The following CSMD1 variants were observed in gnomAD, a reference collection of about 807,000 sequenced individuals.
CSMD1 encodes CUB and sushi domain-containing protein 1.
A neutral mutation model predicts 417.5 loss-of-function variants in CSMD1; 213 were observed. That is an observed-to-expected ratio of 0.51 (90% CI 0.46 to 0.57). The LOEUF is 0.57. Among genes scored for constraint, CSMD1 ranks in the 20% least tolerant of loss-of-function variants. The probability of loss-of-function intolerance (pLI) is 0.00; values close to 1 mark genes in which losing one functional copy is unlikely to be tolerated. For synonymous variants in CSMD1, 2,862 were observed against 1,736.8 expected, an observed-to-expected ratio of 1.65 and a Z score of -16.11; for missense variants, 6,923 against 4,529.7, an observed-to-expected ratio of 1.53 and a Z score of -15.17.
intron 11 of CSMD1, among the ~76,000 whole-genome samples, chr8:3,480,472 A>C (rs998505100): frequency 6.6e-6 from 1 of 152,238 alleles, no homozygotes; most frequent in African/African-American, 2.4e-5. Context: ...ATTTTTTATC[A>C]TTAGAATTCC....
At chr8:3,542,757 G>A (rs868286836) in intron 10 of CSMD1, among the ~76,000 whole-genome samples, 1 of 152,206 alleles carries the variant, frequency 6.6e-6, no homozygotes, top group Non-Finnish European at 1.5e-5. Context: ...GAATGGAACA[G>A]CTTGGACTCT....
intron 7 of CSMD1, among the ~76,000 whole-genome samples, chr8:3,688,232 A>C (rs2129031648): frequency 6.6e-6 from 1 of 152,366 alleles, no homozygotes; most frequent in South Asian, 2.1e-4. Context: ...CAAAGATGAT[A>C]GTATAATTTT....
chr8:3,584,984 C>A (rs1488881967), intron 9 of CSMD1, among the ~76,000 whole-genome samples: 1 of 152,144 alleles, frequency 6.6e-6, no homozygotes, highest in Admixed American at 6.5e-5. Context: ...CAGCCATGTG[C>A]ATTTCCTGGA....
chr8:4,024,409 A>G (rs188422708), intron 4 of CSMD1, among the ~76,000 whole-genome samples: 20 of 152,294 alleles, frequency 1.3e-4, no homozygotes, highest in African/African-American at 4.1e-4. Context: ...TTCATGGGAA[A>G]ACTTTATTAT....
chr8:3,110,457 AT>A (rs1232963771), intron 42 of CSMD1, 122 bp from the exon 43 acceptor site: 29 of 742,144 alleles, frequency 3.9e-5, no homozygotes, highest in Non-Finnish European at 8.0e-6. Flanking sequence ...GGTGTGAAAT[AT>A]TTCTGAATCA....
intron 1 of CSMD1, among the ~76,000 whole-genome samples, chr8:4,888,280 A>C (rs1001104360): frequency 1.3e-5 from 2 of 152,090 alleles, no homozygotes; most frequent in African/African-American, 4.8e-5. Flanking sequence ...ATATGTTGTT[A>C]AATACACACC....
At chr8:4,636,567 G>A (rs1364067232) in intron 2 of CSMD1, among the ~76,000 whole-genome samples, 1 of 151,716 alleles carries the variant, frequency 6.6e-6, no homozygotes, top group Non-Finnish European at 1.5e-5. Flanking sequence ...ATTTATCTTT[G>A]TTCTTTTTCT....
intron 3 of CSMD1, among the ~76,000 whole-genome samples, chr8:4,250,622 A>T (rs1179289176): frequency 6.6e-6 from 1 of 152,240 alleles, no homozygotes; most frequent in East Asian, 1.9e-4. Flanking sequence ...AAAATAGTAC[A>T]GCAGTTCCTT....
At chr8:4,320,048 G>C (rs1193944483) in intron 3 of CSMD1, among the ~76,000 whole-genome samples, 1 of 152,102 alleles carries the variant, frequency 6.6e-6, no homozygotes, top group Non-Finnish European at 1.5e-5. Flanking sequence ...AAAATGAGTA[G>C]TAAACAAAAG....
At chr8:4,818,084 T>A (rs758271297) in intron 1 of CSMD1, among the ~76,000 whole-genome samples, 1 of 152,154 alleles carries the variant, frequency 6.6e-6, no homozygotes. Context: ...GGAGGATGCA[T>A]TGAACTGAAC....
intron 3 of CSMD1, among the ~76,000 whole-genome samples, chr8:4,293,798 A>T (rs150136155): frequency 3.0e-3 from 457 of 152,362 alleles, no homozygotes; most frequent in African/African-American, 0.01. Flanking sequence ...ACATTGAAGC[A>T]AAATGAACAT....
chr8:3,748,624 G>C (rs1215980271), intron 6 of CSMD1, among the ~76,000 whole-genome samples: 3 of 152,218 alleles, frequency 2.0e-5, no homozygotes, highest in East Asian at 3.9e-4. Flanking sequence ...CTCCTAGATA[G>C]AGCTCTGGAA....
At position 4,728,831 on chromosome 8, in the gene CSMD1, C is replaced by CA. The variant is rs577210626; in HGVS notation, c.86-91274dup. ...TCCTTTAGTTCAAAACACCTCGAAA[C>CA]AAAAAGCTGGCATCTACTGAGATTA... On this transcript the variant is annotated intron_variant, in intron 1 of 69. Transcript: ENST00000635120. Among the ~76,000 whole-genome samples, 737 of 151,618 alleles carry CA rather than the reference C, an allele frequency of 4.9e-3. 4 individuals carry two copies. Among genetic ancestry groups the CA allele is most frequent in the African/African-American group, 0.017 (719 of 41,330 alleles).
intron 3 of CSMD1, among the ~76,000 whole-genome samples, chr8:4,221,586 C>A (rs947873621): frequency 5.3e-5 from 8 of 152,100 alleles, no homozygotes; most frequent in Admixed American, 1.3e-4. Context: ...CATGTGAAAA[C>A]AGTGCTCCAA....
chr8:4,084,287 C>A (rs1440225173), intron 3 of CSMD1, among the ~76,000 whole-genome samples: 3 of 147,470 alleles, frequency 2.0e-5, no homozygotes, highest in African/African-American at 5.0e-5. Context: ...AAAAATCTTT[C>A]AACTTTTATG....
chr8:4,926,219 A>G (rs568362754), intron 1 of CSMD1, among the ~76,000 whole-genome samples: 36 of 152,342 alleles, frequency 2.4e-4, no homozygotes, highest in African/African-American at 8.2e-4. Context: ...AGAGGCTGCT[A>G]TTACATTTAT....
chr8:3,392,879 A>T (rs1811433260), intron 17 of CSMD1, among the ~76,000 whole-genome samples: 1 of 152,138 alleles, frequency 6.6e-6, no homozygotes, highest in African/African-American at 2.4e-5. Context: ...CAACCAGAAC[A>T]TCTGAGCTGG....
chr8:4,153,468 C>A (rs546761351), intron 3 of CSMD1, among the ~76,000 whole-genome samples: 6 of 152,330 alleles, frequency 3.9e-5, no homozygotes, highest in Non-Finnish European at 5.9e-5. Context: ...TAAGGTTCTG[C>A]AGCTCTGCTT....
chr8:3,714,248 G>A (rs1372413161), intron 6 of CSMD1, among the ~76,000 whole-genome samples: 1 of 150,152 alleles, frequency 6.7e-6, no homozygotes, highest in African/African-American at 2.5e-5. Context: ...ACATACTATT[G>A]TTCTCTAATT....
Sources: gnomAD v4.1 joint callset for allele counts (sites outside exome capture counted in the v4.1 genomes callset) on GRCh38, gnomAD v4.1.1 for gene constraint, MANE v1.5 for transcripts, NCBI Gene and HGNC (gene_info 2026-07-23, HGNC 2026-07-21) for gene names.